The following RIN3 variants were observed in gnomAD, a reference collection of about 807,000 sequenced individuals.
RIN3 encodes the protein RAB5 interacting protein 3.
In RIN3, 54 loss-of-function variants were observed where a neutral mutation model predicts 76.3. That is an observed-to-expected ratio of 0.71 (90% CI 0.57 to 0.89). The LOEUF (loss-of-function observed/expected upper bound fraction) is 0.89, where lower values mean the gene tolerates loss of function less well. Among genes scored for constraint, RIN3 ranks in the 40% least tolerant of loss-of-function variants. The probability of loss-of-function intolerance (pLI) is 0.00; values close to 1 mark genes in which losing one functional copy is unlikely to be tolerated. For synonymous variants in RIN3, 576 were observed against 564.0 expected (o/e 1.02, Z -0.30); for missense variants, 1,256 against 1,322.1 (o/e 0.95, Z 0.78).
intron 8 of RIN3, 81 bp downstream of exon 8, chr14:92,676,687 A>G: frequency 6.7e-7 from 1 of 1,484,996 alleles, no homozygotes. Flanking sequence ...GTGGCCCAAC[A>G]AGCACCTCCT....
At chr14:92,559,155 C>T (rs150953827) in intron 2 of RIN3, among the ~76,000 whole-genome samples, 1,870 of 152,282 alleles carry the variant, frequency 0.012, 39 homozygotes, top group African/African-American at 0.043. Context: ...GTGTGAGCCA[C>T]CGTGCCCGGC....
At chr14:92,597,377 C>T (rs1202127742) in intron 3 of RIN3, among the ~76,000 whole-genome samples, 1 of 152,150 alleles carries the variant, frequency 6.6e-6, no homozygotes, top group East Asian at 1.9e-4. Flanking sequence ...CTCATTGGCT[C>T]CAGGGTCCTG....
intron 3 of RIN3, among the ~76,000 whole-genome samples, chr14:92,582,857 T>C (rs923837874): frequency 1.3e-5 from 2 of 152,326 alleles, no homozygotes; most frequent in South Asian, 4.1e-4. Context: ...GTAACTTGTT[T>C]CTTTGCCGAG....
intron 4 of RIN3, among the ~76,000 whole-genome samples, chr14:92,625,904 AC>A (rs1269551644): frequency 6.6e-6 from 1 of 151,882 alleles, no homozygotes; most frequent in Non-Finnish European, 1.5e-5. Flanking sequence ...TCCTCTCTGG[AC>A]CGGTTTTTTG....
At position 92,623,931 on chromosome 14, in the gene RIN3, G is replaced by A. The variant is rs1886266250; in HGVS notation, c.440+8452G>A. Among the ~76,000 whole-genome samples the A allele has an allele frequency of 6.6e-6, 1 of 152,222 alleles. No homozygotes were observed. The highest frequency in any genetic ancestry group is 2.4e-5 in the African/African-American group (1 of 41,456). ...TCAAGGTGTTGAGTTTCAGGGAATAGCACAGAGAGAGTTCGACAGAATTCA... is the reference window on the plus strand; with the variant it reads ...TCAAGGTGTTGAGTTTCAGGGAATAACACAGAGAGAGTTCGACAGAATTCA... On this transcript the variant is annotated intron_variant, in intron 4 of 9. Transcript: ENST00000216487. This position sits in a 1 kb window ranked among gnomAD's most constrained non-coding sequence, Gnocchi z 4.9.
chr14:92,669,639 G>T lies in RIN3; in HGVS notation c.2336-6836G>T, dbSNP rs553406688. ...CAGTCAACAAATGGGTGCCCTGGGT[G>T]GGGGTGAGGTGGGGGGTAGTTTTGA... On this transcript the variant is annotated intron_variant, in intron 7 of 9. Transcript: ENST00000216487. 2.7e-4 allele frequency among the ~76,000 whole-genome samples: 41 copies of T among 152,256 alleles called. No individual in the cohort carries two copies. The South Asian group carries it at 8.5e-3, about 32-fold the overall frequency.
chr14:92,617,096 C>T (rs1885996836), intron 4 of RIN3, among the ~76,000 whole-genome samples: 2 of 152,132 alleles, frequency 1.3e-5, no homozygotes, highest in African/African-American at 4.8e-5. Flanking sequence ...GTCAGGAGTT[C>T]GAGACCAGCC....
intron 7 of RIN3, among the ~76,000 whole-genome samples, chr14:92,665,122 C>T (rs1888040556): frequency 6.6e-6 from 1 of 152,220 alleles, no homozygotes; most frequent in South Asian, 2.1e-4. Flanking sequence ...GCCTACTATA[C>T]ACCTGAGCTG....
At chr14:92,630,557 C>T (rs1449481924) in intron 4 of RIN3, among the ~76,000 whole-genome samples, 2 of 152,204 alleles carry the variant, frequency 1.3e-5, no homozygotes, top group East Asian at 1.9e-4. Flanking sequence ...TGAATTGGGC[C>T]ATAGGGGTTT....
intron 4 of RIN3, among the ~76,000 whole-genome samples, chr14:92,624,193 A>G (rs1886275157): frequency 6.6e-6 from 1 of 152,226 alleles, no homozygotes; most frequent in Non-Finnish European, 1.5e-5. Context: ...TAACCTCTAC[A>G]ATAGCTACTT....
chr14:92,638,571 G>C (rs945705148), intron 4 of RIN3, among the ~76,000 whole-genome samples: 1 of 152,160 alleles, frequency 6.6e-6, no homozygotes, highest in Admixed American at 6.5e-5. Context: ...TGATACACAC[G>C]GCGACGGAGG....
rs563397617 is a variant in RIN3, at chr14:92,668,873, A to G, written c.2336-7602A>G. Among the ~76,000 whole-genome samples the G allele has an allele frequency of 4.6e-5, 7 of 152,370 alleles. No individual in the cohort carries two copies. In the South Asian group the frequency reaches 1.4e-3, roughly 32 times the overall value. ...AACTGTGCATAAGGTACCCATTACT[A>G]AAGGTTTCCATTGCAAACACAGATT... is the stretch of plus-strand genomic sequence containing the variant. On this transcript the variant is annotated intron_variant, in intron 7 of 9. Coordinates refer to ENST00000216487, the MANE Select transcript of RIN3 (RefSeq NM_024832.5).
At chr14:92,557,130 C>T (rs1009299452) in intron 2 of RIN3, among the ~76,000 whole-genome samples, 5 of 152,242 alleles carry the variant, frequency 3.3e-5, no homozygotes, top group South Asian at 4.1e-4. Flanking sequence ...TGCATATTCA[C>T]GTAGCGGCAA....
intron 4 of RIN3, among the ~76,000 whole-genome samples, chr14:92,627,701 A>G (rs1000725675): frequency 1.3e-5 from 2 of 151,840 alleles, no homozygotes; most frequent in African/African-American, 2.4e-5. Flanking sequence ...TGGGGTCCCA[A>G]TCTCTAGCCC....
At chr14:92,602,219 C>T in intron 3 of RIN3, among the ~76,000 whole-genome samples, 1 of 152,222 alleles carries the variant, frequency 6.6e-6, no homozygotes, top group East Asian at 1.9e-4. Flanking sequence ...GTGCTGTAAT[C>T]AGCTGTAAAG....
intron 1 of RIN3, among the ~76,000 whole-genome samples, chr14:92,527,254 G>A (rs754099140): frequency 4.0e-4 from 60 of 149,840 alleles, no homozygotes; most frequent in Non-Finnish European, 5.0e-4. Context: ...GGGTTTCACC[G>A]TGTTAGCCAC....
intron 6 of RIN3, among the ~76,000 whole-genome samples, chr14:92,657,054 A>G (rs1030910651): frequency 1.3e-5 from 2 of 152,130 alleles, no homozygotes; most frequent in Non-Finnish European, 2.9e-5. Flanking sequence ...AAGGAACTTA[A>G]ACCACATAAA....
intron 3 of RIN3, among the ~76,000 whole-genome samples, chr14:92,580,175 C>T (rs1272872337): frequency 2.6e-5 from 4 of 152,218 alleles, no homozygotes; most frequent in Non-Finnish European, 4.4e-5. Flanking sequence ...AAGAGATTGA[C>T]CTGGCCAACA....
intron 2 of RIN3, among the ~76,000 whole-genome samples, chr14:92,557,048 G>A (rs60145999): frequency 0.015 from 2,354 of 151,990 alleles, 64 homozygotes; most frequent in African/African-American, 0.052. Flanking sequence ...CTGCAGCCCC[G>A]TAACCACCAA....
Sources: gnomAD v4.1 joint callset for allele counts (sites outside exome capture counted in the v4.1 genomes callset) on GRCh38, gnomAD v4.1.1 for gene constraint, Gnocchi (gnomAD v3.1) non-coding constraint, MANE v1.5 for transcripts, NCBI Gene and HGNC (gene_info 2026-07-23, HGNC 2026-07-21) for gene names.